Variants in RIMBP2 observed in about 807,000 individuals in gnomAD.
RIMBP2 encodes RIMS binding protein 2, also known as RIMS-binding protein 2.
In RIMBP2, 48 loss-of-function variants were observed where a neutral mutation model predicts 118.6. That is an observed-to-expected ratio of 0.40 (90% CI 0.32 to 0.51). The LOEUF is 0.51. Among genes scored for constraint, RIMBP2 ranks in the 20% least tolerant of loss-of-function variants. The probability of loss-of-function intolerance (pLI) is 0.41; values close to 1 mark genes in which losing one functional copy is unlikely to be tolerated. For synonymous variants in RIMBP2, 762 were observed against 742.9 expected, an observed-to-expected ratio of 1.03 and a Z score of -0.42; for missense variants, 1,551 against 1,768.3, an observed-to-expected ratio of 0.88 and a Z score of 2.20.
chr12:130,506,025 A>C (rs1342504100), intron 4 of RIMBP2, among the ~76,000 whole-genome samples: 1 of 144,128 alleles, frequency 6.9e-6, no homozygotes, highest in Non-Finnish European at 1.5e-5. Context: ...GGATCATAGA[A>C]CTGGAGATGA....
At chr12:130,464,857 A>G (rs1403979095) in intron 6 of RIMBP2, among the ~76,000 whole-genome samples, 1 of 152,230 alleles carries the variant, frequency 6.6e-6, no homozygotes, top group Admixed American at 6.5e-5. Flanking sequence ...AACAAGAGCC[A>G]GGCAGGGCTG....
intron 2 of RIMBP2, among the ~76,000 whole-genome samples, chr12:130,616,197 T>C (rs2060923945): frequency 6.6e-6 from 1 of 152,190 alleles, no homozygotes; most frequent in Non-Finnish European, 1.5e-5. Context: ...CTTTCATCCC[T>C]AGACATCTGA....
At position 130,707,570 on chromosome 12, in the gene RIMBP2, A is replaced by G. The variant is rs548956700; in HGVS notation, c.-352+8652T>C. ...AAGAGCTGGCAGGCCTGTGGCCATC[A>G]GGAGGCCCTTGCGCTTGCTCTAAGT... On this transcript the variant is annotated intron_variant, in intron 1 of 22. Transcript: ENST00000690449. Among the ~76,000 whole-genome samples, 11 of 152,310 alleles carry G rather than the reference A, an allele frequency of 7.2e-5. No individual in the cohort carries two copies. In the South Asian group the frequency reaches 2.1e-3, roughly 29 times the overall value.
chr12:130,533,277 C>T (rs1039134343), intron 2 of RIMBP2, among the ~76,000 whole-genome samples: 5 of 152,138 alleles, frequency 3.3e-5, no homozygotes, highest in African/African-American at 1.2e-4. Flanking sequence ...CAAAAGAAGA[C>T]ATACAAATGG....
At chr12:130,408,655 GC>G (rs1226744530) in intron 19 of RIMBP2, among the ~76,000 whole-genome samples, 1 of 152,178 alleles carries the variant, frequency 6.6e-6, no homozygotes, top group Admixed American at 6.5e-5. Flanking sequence ...GCAGAACCTG[GC>G]CCAATCACGA....
At position 130,424,718 on chromosome 12, in the gene RIMBP2, C is replaced by A; in HGVS notation, c.2553G>T (p.Gln851His). 1.6e-6 allele frequency: 2 copies of A among 1,232,292 alleles called. No individual in the cohort carries two copies. The highest frequency in any genetic ancestry group is 2.0e-6 in the Non-Finnish European group (2 of 988,052). 76.3% of individuals were successfully genotyped at this position (1,232,292 alleles called of 1,614,324 possible). A position where few individuals can be genotyped will look rare whatever the true frequency, so the allele number is the denominator to read the frequency against. The stretch of plus-strand genomic sequence containing the variant: ...TGGCCCTGGGGGACGGCCCTGCACC[C>A]TGCTTGTGTAGCAGCCCACAGCACT... ...DGECCGLLHK[Q>H]GAGPSPRART... The change falls in exon 16 of 23, where the codon CAG (glutamine) becomes CAT (histidine). Residue 851 changes from glutamine to histidine, a missense_variant. Transcript: ENST00000690449. The surrounding 1 kb of genome is among the most constrained non-coding windows in gnomAD (Gnocchi z 9.8).
In RIMBP2 at chr12:130,578,314, T is replaced by G. The variant is rs1433621067; in HGVS notation, c.-217+50008A>C. 6.6e-6 allele frequency among the ~76,000 whole-genome samples: 1 copy of G among 152,176 alleles called. No individual in the cohort carries two copies. Among genetic ancestry groups the G allele is most frequent in the Non-Finnish European group, 1.5e-5 (1 of 68,030 alleles). The stretch of plus-strand genomic sequence containing the variant: ...AATGCCTTCTGCCCCGTTTCCAGAA[T>G]CATCTTTCTCAAGCATCATTCTGGA... On this transcript the variant is annotated intron_variant, in intron 2 of 22. Transcript: ENST00000690449. The surrounding 1 kb of genome is among the most constrained non-coding windows in gnomAD (Gnocchi z 4.1).
At chr12:130,708,272 G>C (rs1435443814) in intron 1 of RIMBP2, among the ~76,000 whole-genome samples, 2 of 152,282 alleles carry the variant, frequency 1.3e-5, no homozygotes, top group Middle Eastern at 3.4e-3. Context: ...ATTTCTTTTT[G>C]AGGTGATGAA....
intron 2 of RIMBP2, among the ~76,000 whole-genome samples, chr12:130,603,990 G>A (rs2060013218): frequency 6.6e-6 from 1 of 152,132 alleles, no homozygotes; most frequent in African/African-American, 2.4e-5. Context: ...TCCAGAAGAA[G>A]GCCTTGTCAC....
At position 130,682,491 on chromosome 12, in the gene RIMBP2, T is replaced by G. The variant is rs191522863; in HGVS notation, c.-352+33731A>C. On this transcript the variant is annotated intron_variant, in intron 1 of 22. Coordinates refer to ENST00000690449, the MANE Select transcript of RIMBP2 (RefSeq NM_001393629.1). ...ACCTGACTAACACCAGCGCCGCTTA[T>G]GGATGTGAGCAACTGAAATTCAAAT... 1.3e-3 allele frequency among the ~76,000 whole-genome samples: 204 copies of G among 152,362 alleles called. 1 individual carries two copies. Among genetic ancestry groups the G allele is most frequent in the African/African-American group, 3.8e-3 (158 of 41,580 alleles).
intron 2 of RIMBP2, among the ~76,000 whole-genome samples, chr12:130,561,937 T>C (rs986765507): frequency 7.9e-5 from 12 of 152,150 alleles, no homozygotes; most frequent in African/African-American, 2.7e-4. Flanking sequence ...CTGATGGTTA[T>C]AGTAATATAT....
At position 130,688,677 on chromosome 12, in the gene RIMBP2, G is replaced by A. The variant is rs935200636; in HGVS notation, c.-352+27545C>T. ...CTTGGTGCCCAAGGGCAGGTGACAG[G>A]TACAGGCAGGGGGACACTAAAACCC... On this transcript the variant is annotated intron_variant, in intron 1 of 22. Transcript: ENST00000690449. This position sits in a 1 kb window ranked among gnomAD's most constrained non-coding sequence, Gnocchi z 4.7. 1.2e-3 allele frequency among the ~76,000 whole-genome samples: 179 copies of A among 152,264 alleles called. No individual in the cohort carries two copies. The highest frequency in any genetic ancestry group is 0.012 in the Admixed American group (177 of 15,308).
rs766232026 is a variant in RIMBP2 at position 130,422,456 on chromosome 12, T to C, written c.3235A>G (p.Ile1079Val). The C allele has an allele frequency of 1.1e-5, 18 of 1,606,148 alleles. No individual in the cohort carries two copies. The highest frequency in any genetic ancestry group is 1.4e-5 in the Non-Finnish European group (17 of 1,173,656). ...CAGCGATGATGGGGCCACTAACCGA[T>C]GGATGGGACTGTCACGGGCCGGGAC... ...QRSRPVTVPSIDDYGRDRLSP... is the reference protein window; with the variant it reads ...QRSRPVTVPSVDDYGRDRLSP... Residue 1079 changes from isoleucine to valine, a missense_variant, in exon 17 of 23, where the codon ATC (isoleucine) becomes GTC (valine). By Grantham distance (29) the Ile-to-Val change is conservative (BLOSUM62 3). Coordinates refer to ENST00000690449, the MANE Select transcript of RIMBP2 (RefSeq NM_001393629.1). The surrounding 1 kb of genome is among the most constrained non-coding windows in gnomAD (Gnocchi z 5.2).
chr12:130,551,503 T>C (rs532428500), intron 2 of RIMBP2, among the ~76,000 whole-genome samples: 1 of 152,258 alleles, frequency 6.6e-6, no homozygotes, highest in Non-Finnish European at 1.5e-5. Context: ...TTTTTAAAAA[T>C]ATAGAATGCA....
At chr12:130,711,885 C>CCACG (rs978569021) in intron 1 of RIMBP2, among the ~76,000 whole-genome samples, 53 of 152,252 alleles carry the variant, frequency 3.5e-4, no homozygotes, top group Admixed American at 2.0e-3. Flanking sequence ...ACAGCCTCCT[C>CCACG]CACGCCCTGG....
chr12:130,466,243 T>G (rs1316359018), intron 6 of RIMBP2: 1 of 152,178 alleles, frequency 6.6e-6, no homozygotes, highest in African/African-American at 2.4e-5. Context: ...ATTATTTAAC[T>G]CCTAGCAGCT....
chr12:130,545,883 T>C (rs909554557), intron 2 of RIMBP2, among the ~76,000 whole-genome samples: 10 of 152,124 alleles, frequency 6.6e-5, no homozygotes, highest in South Asian at 6.2e-4. Context: ...ATCTAGTTTA[T>C]GGGATTGTGG....
rs150407000 is a variant in RIMBP2, at chr12:130,475,004, C to T, written c.102+3908G>A. On this transcript the variant is annotated intron_variant, in intron 5 of 22. Transcript: ENST00000690449. The surrounding 1 kb of genome is among the most constrained non-coding windows in gnomAD (Gnocchi z 4.1). The stretch of plus-strand genomic sequence containing the variant: ...TCTTGCTCCCGGTCTCCAGGAAGCA[C>T]GCGTCTCCCGGGAGAGCCTGAGGTT... 7.2e-5 allele frequency among the ~76,000 whole-genome samples: 11 copies of T among 152,280 alleles called. No individual in the cohort carries two copies. The highest frequency in any genetic ancestry group is 8.8e-5 in the Non-Finnish European group (6 of 68,022).
rs934992160 is a variant in RIMBP2, at chr12:130,419,208, G to C, written c.3238+3245C>G. Among the ~76,000 whole-genome samples the C allele has an allele frequency of 6.6e-6, 1 of 152,156 alleles. No homozygotes were observed. The highest frequency in any genetic ancestry group is 2.4e-5 in the African/African-American group (1 of 41,446). On this transcript the variant is annotated intron_variant, in intron 17 of 22. Coordinates refer to ENST00000690449, the MANE Select transcript of RIMBP2 (RefSeq NM_001393629.1). The surrounding 1 kb of genome is among the most constrained non-coding windows in gnomAD (Gnocchi z 4.3). Reference sequence around the variant, plus strand: ...GGTCCCTTGTCCTTGGTGATGGCAGGCGAGACTGAAAGAAGCACTTACCTA... The same window carrying C: ...GGTCCCTTGTCCTTGGTGATGGCAGCCGAGACTGAAAGAAGCACTTACCTA...
Sources: gnomAD v4.1 joint callset for allele counts (sites outside exome capture counted in the v4.1 genomes callset) on GRCh38, gnomAD v4.1.1 for gene constraint, Gnocchi (gnomAD v3.1) non-coding constraint, MANE v1.5 for transcripts, NCBI Gene and HGNC (gene_info 2026-07-23, HGNC 2026-07-21) for gene names.